Variants in NFATC3 observed in about 807,000 individuals in gnomAD.
The protein encoded by NFATC3 is nuclear factor of activated T-cells, cytoplasmic 3.
NFATC3 carries 46 observed loss-of-function variants against 98.6 expected under a neutral mutation model. The ratio of observed to expected loss-of-function variants is 0.47; its 90% CI spans 0.37 to 0.60. NFATC3 has a LOEUF of 0.60. Ranked by LOEUF, NFATC3 falls within the 20% of genes least tolerant of loss-of-function variation. The pLI is 0.00. For synonymous variants in NFATC3, 512 were observed against 472.2 expected (o/e 1.08, Z -1.09); for missense variants, 1,256 against 1,295.5 (o/e 0.97, Z 0.47).
intron 3 of NFATC3, among the ~76,000 whole-genome samples, chr16:68,141,580 T>C (rs1335954402): frequency 1.3e-5 from 2 of 152,218 alleles, no homozygotes; most frequent in African/African-American, 4.8e-5. Context: ...TGAGCATTTT[T>C]TTCATACGTT....
chr16:68,146,343 G>A (rs2038039276), intron 3 of NFATC3, among the ~76,000 whole-genome samples: 1 of 151,758 alleles, frequency 6.6e-6, no homozygotes, highest in Non-Finnish European at 1.5e-5. Context: ...GAGGCAAGAG[G>A]ATCACTGCTT....
At chr16:68,138,698 G>C (rs904016028) in intron 3 of NFATC3, 68 of 1,287,698 alleles carry the variant, frequency 5.3e-5, no homozygotes, top group African/African-American at 2.0e-4. Flanking sequence ...ACATGCAGAA[G>C]TACTGGGAAA....
Position 68,167,005 on chromosome 16 carries a change from C to G in NFATC3, c.1764C>G (p.Pro588=), listed in dbSNP as rs913658927. The G allele has an allele frequency of 3.7e-6, 6 of 1,611,472 alleles. No homozygotes were observed. In the African/African-American group the frequency reaches 6.7e-5, roughly 18 times the overall value. Residue 588 remains proline (P), a synonymous_variant, in exon 5 of 10, where the codon CCC becomes CCG. Coordinates refer to ENST00000346183, the MANE Select transcript of NFATC3 (RefSeq NM_173165.3). ...TTTCTCTGCAGATAGCCTCTATACC[C>G]GTTGAGTGCTGTAAGTGAGCTTGTG... ...KVLSLQIASI[P]VECSQRSAQE...
At chr16:68,090,558 A>C (rs958170127) in intron 1 of NFATC3, among the ~76,000 whole-genome samples, 6 of 152,186 alleles carry the variant, frequency 3.9e-5, no homozygotes, top group Admixed American at 3.3e-4. Context: ...GTTTAATTCT[A>C]GTCTTTTAAA....
chr16:68,138,462 A>G, intron 3 of NFATC3: 1 of 1,242,824 alleles, frequency 8.0e-7, no homozygotes, highest in Non-Finnish European at 1.0e-6. Context: ...TAAGACCAAA[A>G]AAATTTTTTA....
chr16:68,110,308 A>ATT (rs139459907), intron 1 of NFATC3, among the ~76,000 whole-genome samples: 61 of 110,250 alleles, frequency 5.5e-4, no homozygotes, highest in Admixed American at 1.0e-3. Context: ...CCTGGCCTGA[A>ATT]TTTTTTTTTT....
intron 1 of NFATC3, among the ~76,000 whole-genome samples, chr16:68,114,782 C>G (rs2036182623): frequency 1.3e-5 from 2 of 152,056 alleles, no homozygotes; most frequent in Non-Finnish European, 2.9e-5. Flanking sequence ...ACCATGTTGG[C>G]CAGGATAGTC....
At chr16:68,086,694 A>G (rs2034398661) in intron 1 of NFATC3, 4 of 985,422 alleles carry the variant, frequency 4.1e-6, no homozygotes, top group Non-Finnish European at 4.8e-6. Flanking sequence ...CTTGCCTGGT[A>G]TGAGGTGAAT....
chr16:68,125,101 G>A (rs2036767778), intron 2 of NFATC3, among the ~76,000 whole-genome samples: 1 of 152,208 alleles, frequency 6.6e-6, no homozygotes, highest in Non-Finnish European at 1.5e-5. Flanking sequence ...TTATGGTAAT[G>A]AAGACACCTT....
At chr16:68,220,857 T>C (rs892763167) in intron 9 of NFATC3, among the ~76,000 whole-genome samples, 24 of 151,194 alleles carry the variant, frequency 1.6e-4, no homozygotes, top group African/African-American at 5.4e-4. Flanking sequence ...AGGCGGAGCT[T>C]GCAGTGAGCT....
At chr16:68,140,525 T>A (rs1166562830) in intron 3 of NFATC3, among the ~76,000 whole-genome samples, 1 of 152,204 alleles carries the variant, frequency 6.6e-6, no homozygotes, top group Non-Finnish European at 1.5e-5. Context: ...AGTAGCCACA[T>A]GTGGATACTG....
intron 9 of NFATC3, among the ~76,000 whole-genome samples, chr16:68,195,211 C>T (rs902193768): frequency 1.2e-4 from 18 of 151,624 alleles, no homozygotes; most frequent in African/African-American, 3.6e-4. Flanking sequence ...GCTGAGATCG[C>T]GCCATTGTAC....
chr16:68,174,278 T>C, intron 5 of NFATC3, 96 bp from the exon 6 acceptor site: 2 of 1,057,092 alleles, frequency 1.9e-6, no homozygotes, highest in Admixed American at 6.2e-5. Flanking sequence ...TGCTTCTCTT[T>C]ATTTTCTTTT....
At chr16:68,131,960 G>A (rs555740622) in intron 3 of NFATC3, among the ~76,000 whole-genome samples, 25 of 152,132 alleles carry the variant, frequency 1.6e-4, no homozygotes, top group African/African-American at 5.3e-4. Context: ...CTCAGAAGTG[G>A]GCATATACTG....
chr16:68,199,058 G>GAAAA (rs2040793442), intron 9 of NFATC3, among the ~76,000 whole-genome samples: 1 of 149,136 alleles, frequency 6.7e-6, no homozygotes, highest in African/African-American at 2.5e-5. Flanking sequence ...AAAAGAAAAA[G>GAAAA]AAAAAAAATT....
intron 3 of NFATC3, among the ~76,000 whole-genome samples, chr16:68,151,508 G>A (rs936407766): frequency 1.3e-5 from 2 of 152,082 alleles, no homozygotes; most frequent in Non-Finnish European, 2.9e-5. Flanking sequence ...ATATACTAAG[G>A]AGTTCTAAGT....
intron 8 of NFATC3, among the ~76,000 whole-genome samples, chr16:68,188,801 C>T (rs961434236): frequency 1.3e-5 from 2 of 152,242 alleles, no homozygotes; most frequent in East Asian, 1.9e-4. Flanking sequence ...CTCTGCCTCC[C>T]GGGTTCAAGT....
At chr16:68,154,575 G>A (rs147560739) in intron 3 of NFATC3, among the ~76,000 whole-genome samples, 2 of 152,276 alleles carry the variant, frequency 1.3e-5, no homozygotes, top group East Asian at 3.9e-4. Flanking sequence ...ACAAGCACAA[G>A]ATAAGGAGAC....
At chr16:68,191,973 C>T (rs1236583680) in intron 9 of NFATC3, 198 bp downstream of exon 9, 2 of 571,256 alleles carry the variant, frequency 3.5e-6, no homozygotes, top group African/African-American at 3.8e-5. Flanking sequence ...CTTTGGAAGG[C>T]TGAGGCGGGT....
Sources: gnomAD v4.1 joint callset for allele counts (sites outside exome capture counted in the v4.1 genomes callset) on GRCh38, gnomAD v4.1.1 for gene constraint, MANE v1.5 for transcripts, NCBI Gene and HGNC (gene_info 2026-07-23, HGNC 2026-07-21) for gene names.